The following ENPP6 variants were observed in gnomAD, a reference collection of about 807,000 sequenced individuals.
The protein encoded by ENPP6 is ectonucleotide pyrophosphatase/phosphodiesterase 6.
A neutral mutation model predicts 42.0 loss-of-function variants in ENPP6; 32 were observed. The ratio of observed to expected loss-of-function variants is 0.76; its 90% CI spans 0.58 to 1.02. ENPP6 has a LOEUF of 1.02. Among genes scored for constraint, ENPP6 ranks in the 50% least tolerant of loss-of-function variants. The pLI, the probability that ENPP6 is intolerant of heterozygous loss-of-function variation, is 0.00. For missense variants in ENPP6, 552 were observed against 566.8 expected (o/e 0.97, Z 0.27); for synonymous variants, 213 against 216.0 (o/e 0.99, Z 0.12).
intron 1 of ENPP6, among the ~76,000 whole-genome samples, chr4:184,195,230 T>G (rs575533736): frequency 6.6e-6 from 1 of 152,254 alleles, no homozygotes; most frequent in South Asian, 2.1e-4. Flanking sequence ...ATCACCCTGG[T>G]ATTAAGTCTA....
In ENPP6 at chr4:184,158,548, A is replaced by T. The variant is rs1367816491; in HGVS notation, c.242-4815T>A. Among the ~76,000 whole-genome samples, 6 of 152,242 alleles carry T rather than the reference A, an allele frequency of 3.9e-5. No individual in the cohort carries two copies. The East Asian group carries it at 9.6e-4, about 24-fold the overall frequency. ...TTATGAGTATTTTATAATTTACAGT[A>T]TTAGAAACATGGAGAATTAAAGGGC... On this transcript the variant is annotated intron_variant, in intron 1 of 7. Transcript: ENST00000296741.
chr4:184,143,039 C>T (rs561987853), intron 2 of ENPP6, among the ~76,000 whole-genome samples: 1 of 152,302 alleles, frequency 6.6e-6, no homozygotes, highest in Non-Finnish European at 1.5e-5. Context: ...TACAGTGACT[C>T]CATGCTTCCC....
chr4:184,132,538 T>C (rs547977978), intron 2 of ENPP6, among the ~76,000 whole-genome samples: 3 of 152,190 alleles, frequency 2.0e-5, no homozygotes, highest in East Asian at 3.9e-4. Flanking sequence ...TTTTAATGAC[T>C]TCATCAGTCA....
chr4:184,131,189 CTTTCTTTCTTT>C (rs1736611954), intron 2 of ENPP6, among the ~76,000 whole-genome samples: 13 of 66,654 alleles, frequency 2.0e-4, no homozygotes, highest in Admixed American at 7.6e-4. Flanking sequence ...TTCTTTCTTT[CTTTCTTTCTTT>C]CTTCTTTCTT....
chr4:184,189,478 A>G (rs1232637795), intron 1 of ENPP6, among the ~76,000 whole-genome samples: 1 of 152,164 alleles, frequency 6.6e-6, no homozygotes, highest in East Asian at 1.9e-4. Flanking sequence ...TAAAAAGTAA[A>G]GGTAAGCATG....
At chr4:184,205,547 A>G (rs1732981108) in intron 1 of ENPP6, among the ~76,000 whole-genome samples, 1 of 152,250 alleles carries the variant, frequency 6.6e-6, no homozygotes, top group African/African-American at 2.4e-5. Context: ...CAGGTCTGCA[A>G]GAGCGTTAGA....
At chr4:184,153,393 G>A (rs1737090528) in intron 2 of ENPP6, among the ~76,000 whole-genome samples, 161 bp downstream of exon 2, 1 of 151,918 alleles carries the variant, frequency 6.6e-6, no homozygotes, top group African/African-American at 2.4e-5. Flanking sequence ...CAAAGTGCTG[G>A]GATTACAGGC....
chr4:184,209,031 T>C (rs887700574), intron 1 of ENPP6, among the ~76,000 whole-genome samples: 1 of 145,132 alleles, frequency 6.9e-6, no homozygotes, highest in African/African-American at 2.6e-5. Context: ...GGGTCCTGTC[T>C]GTTAGAAGGA....
At chr4:184,205,105 G>C (rs1408391856) in intron 1 of ENPP6, among the ~76,000 whole-genome samples, 1 of 151,966 alleles carries the variant, frequency 6.6e-6, no homozygotes, top group Non-Finnish European at 1.5e-5. Flanking sequence ...AAATTTTTTT[G>C]TATTTTTAGT....
chr4:184,135,118 A>G (rs2111363116), intron 2 of ENPP6, among the ~76,000 whole-genome samples: 1 of 152,258 alleles, frequency 6.6e-6, no homozygotes, highest in Non-Finnish European at 1.5e-5. Flanking sequence ...TGGCTAACAT[A>G]TGACCATTTT....
intron 1 of ENPP6, among the ~76,000 whole-genome samples, chr4:184,158,861 T>C (rs1157755314): frequency 6.6e-6 from 1 of 152,244 alleles, no homozygotes; most frequent in African/African-American, 2.4e-5. Context: ...AAATTCACCA[T>C]CACTAAGGTC....
intron 1 of ENPP6, among the ~76,000 whole-genome samples, chr4:184,168,046 G>A (rs541075180): frequency 1.3e-5 from 2 of 152,272 alleles, no homozygotes; most frequent in South Asian, 4.1e-4. Context: ...GAAGGAACAG[G>A]TAGGATGAGA....
intron 2 of ENPP6, among the ~76,000 whole-genome samples, chr4:184,129,590 C>A (rs1409053447): frequency 2.6e-5 from 4 of 152,042 alleles, no homozygotes; most frequent in African/African-American, 2.4e-5. Flanking sequence ...CTTTGCCTAG[C>A]AAATCACTGC....
At chr4:184,133,101 A>G (rs913503527) in intron 2 of ENPP6, among the ~76,000 whole-genome samples, 10 of 151,966 alleles carry the variant, frequency 6.6e-5, no homozygotes, top group African/African-American at 2.2e-4. Context: ...TCTGACTCCA[A>G]ATAGTTTCAG....
intron 6 of ENPP6, among the ~76,000 whole-genome samples, chr4:184,112,310 A>T (rs928174904): frequency 6.6e-6 from 1 of 152,246 alleles, no homozygotes; most frequent in Non-Finnish European, 1.5e-5. Context: ...GGTGAAAGTT[A>T]AGCTGAGCCT....
chr4:184,216,224 C>T (rs1196038362), intron 1 of ENPP6, among the ~76,000 whole-genome samples: 1 of 152,206 alleles, frequency 6.6e-6, no homozygotes, highest in East Asian at 1.9e-4. Flanking sequence ...CAAACTGCTT[C>T]CCTGCAAGGG....
At chr4:184,204,685 G>A (rs1167254512) in intron 1 of ENPP6, among the ~76,000 whole-genome samples, 4 of 152,128 alleles carry the variant, frequency 2.6e-5, no homozygotes, top group Non-Finnish European at 4.4e-5. Context: ...CTCCTTCCAG[G>A]CCTCTTTCTG....
chr4:184,120,817 C>A (rs33990515), intron 3 of ENPP6, among the ~76,000 whole-genome samples: 4 of 152,128 alleles, frequency 2.6e-5, no homozygotes, highest in African/African-American at 7.2e-5. Context: ...TGCAAAGAGG[C>A]GCGTCTGGAC....
At chr4:184,190,693 A>G (rs17075421) in intron 1 of ENPP6, among the ~76,000 whole-genome samples, 3,658 of 152,242 alleles carry the variant, frequency 0.024, 146 homozygotes, top group African/African-American at 0.084. Context: ...AGGGTGAGTC[A>G]GACCCTGCCC....
Sources: allele counts gnomAD v4.1 joint callset (sites outside exome capture counted in the v4.1 genomes callset), GRCh38; gene constraint gnomAD v4.1.1; transcripts MANE v1.5; gene names NCBI Gene and HGNC (gene_info 2026-07-23, HGNC 2026-07-21).